KDM6A: variants seen among roughly 807,000 people sequenced by gnomAD.
KDM6A encodes the protein lysine-specific demethylase 6A.
In KDM6A, 11 loss-of-function variants were observed where a neutral mutation model predicts 117.6. That is an observed-to-expected ratio of 0.09 (90% CI 0.06 to 0.15). The LOEUF (loss-of-function observed/expected upper bound fraction) is 0.15, where lower values mean the gene tolerates loss of function less well. KDM6A is among the 10% of genes least tolerant of loss of function. The pLI is 1.00. For synonymous variants in KDM6A, 384 were observed against 396.1 expected, an observed-to-expected ratio of 0.97 and a Z score of 0.36; for missense variants, 799 against 1,077.3, an observed-to-expected ratio of 0.74 and a Z score of 3.62.
At chrX:45,067,702 G>A (rs1371542189) in intron 17 of KDM6A, among the ~76,000 whole-genome samples, 5 of 98,526 alleles carry the variant, frequency 5.1e-5, no homozygotes, top group African/African-American at 8.2e-5. Context: ...GCCAAGCCTG[G>A]AGTGCAGTGG....
intron 4 of KDM6A, among the ~76,000 whole-genome samples, chrX:44,979,805 A>G (rs2039797908): frequency 9.1e-6 from 1 of 109,763 alleles, no homozygotes; most frequent in Admixed American, 9.8e-5. Flanking sequence ...TGTTGAAAAG[A>G]CTACACTTTG....
chrX:45,039,529 T>TA lies in KDM6A; in HGVS notation c.654+1841dup, dbSNP rs1556253467. ...TTTTTTTTTTTTTTTTTTTTTTTTTTATTGATCATTCTTGGGTGTTTCTCG... is the reference window on the plus strand; with the variant it reads ...TTTTTTTTTTTTTTTTTTTTTTTTTTAATTGATCATTCTTGGGTGTTTCTCG... On this transcript the variant is annotated intron_variant, in intron 8 of 29. Coordinates refer to ENST00000611820, the MANE Select transcript of KDM6A (RefSeq NM_001291415.2). 3.5e-4 allele frequency among the ~76,000 whole-genome samples: 30 copies of TA among 85,395 alleles called. No homozygotes were observed. The East Asian group carries it at 4.5e-3, about 13-fold the overall frequency. The allele number at this position is 85,395 out of a possible 115,157, so 74.2% of individuals were successfully genotyped here. A position where few individuals can be genotyped will look rare whatever the true frequency, so the allele number is the denominator to read the frequency against.
chrX:44,919,155 T>G (rs182580460), intron 2 of KDM6A, among the ~76,000 whole-genome samples: 2 of 111,862 alleles, frequency 1.8e-5, no homozygotes, highest in African/African-American at 6.5e-5. Flanking sequence ...GTATGATCTA[T>G]TTGTTACTAT....
intron 10 of KDM6A, among the ~76,000 whole-genome samples, chrX:45,056,116 CTAAA>C (rs1223862221): frequency 9.0e-6 from 1 of 111,004 alleles, no homozygotes; most frequent in Non-Finnish European, 1.9e-5. Context: ...CTTTTCCTGA[CTAAA>C]TAAAGGATAC....
At chrX:44,898,996 A>G (rs1248266384) in intron 2 of KDM6A, among the ~76,000 whole-genome samples, 13 of 72,138 alleles carry the variant, frequency 1.8e-4, no homozygotes, top group African/African-American at 9.5e-4. Context: ...GGAGGGAGGG[A>G]GAGGGAGGGT....
At chrX:45,057,069 CA>C (rs1440735194) in intron 10 of KDM6A, among the ~76,000 whole-genome samples, 3 of 111,474 alleles carry the variant, frequency 2.7e-5, no homozygotes, top group African/African-American at 9.8e-5. Flanking sequence ...TCTTTCAAAC[CA>C]CAGGATTAGT....
At chrX:44,972,002 G>A (rs182225720) in intron 3 of KDM6A, among the ~76,000 whole-genome samples, 1 of 110,038 alleles carries the variant, frequency 9.1e-6, no homozygotes, top group Non-Finnish European at 1.9e-5. Context: ...TGGGCAGTAC[G>A]CAGGGGTTTG....
intron 4 of KDM6A, among the ~76,000 whole-genome samples, chrX:45,007,647 T>C (rs766719165): frequency 5.3e-5 from 6 of 112,407 alleles, no homozygotes; most frequent in Admixed American, 9.4e-5. Flanking sequence ...TCTATGGAAG[T>C]GCGCCCTGTG....
At chrX:44,946,592 A>C (rs749728745) in intron 2 of KDM6A, among the ~76,000 whole-genome samples, 1 of 110,756 alleles carries the variant, frequency 9.0e-6, no homozygotes, top group Non-Finnish European at 1.9e-5. Flanking sequence ...TTTTTTAATG[A>C]CTTGTACTTT....
intron 4 of KDM6A, among the ~76,000 whole-genome samples, chrX:44,980,846 G>A (rs911836248): frequency 4.6e-5 from 5 of 108,237 alleles, no homozygotes; most frequent in Non-Finnish European, 9.6e-5. Context: ...TGAATGGAAG[G>A]GGACATCCTT....
chrX:44,954,680 T>C (rs1406490210), intron 2 of KDM6A, among the ~76,000 whole-genome samples: 1 of 110,807 alleles, frequency 9.0e-6, no homozygotes, highest in East Asian at 2.8e-4. Context: ...AGAAAAAATA[T>C]GGATGTGTAG....
intron 2 of KDM6A, 124 bp downstream of exon 2, chrX:44,874,111 A>G (rs1328672812): frequency 6.4e-6 from 4 of 621,707 alleles, no homozygotes; most frequent in Non-Finnish European, 1.0e-5. Flanking sequence ...GCTTCCGGAA[A>G]CTATTTCCTG....
intron 2 of KDM6A, among the ~76,000 whole-genome samples, chrX:44,923,199 A>C (rs965643810): frequency 2.7e-5 from 3 of 110,909 alleles, no homozygotes; most frequent in Non-Finnish European, 3.8e-5. Flanking sequence ...TGGTTACGTT[A>C]TGTGTTATGT....
chrX:44,964,218 G>A lies in KDM6A; in HGVS notation c.334+2826G>A, dbSNP rs1480549868. Among the ~76,000 whole-genome samples, 7 of 108,586 alleles carry A rather than the reference G, an allele frequency of 6.4e-5. No individual in the cohort carries two copies. In the Admixed American group the frequency reaches 6.9e-4, roughly 11 times the overall value. The allele number at this position is 108,586 out of a possible 115,157, so 94.3% of individuals were successfully genotyped here. On this transcript the variant is annotated intron_variant, in intron 3 of 29. Coordinates refer to ENST00000611820, the MANE Select transcript of KDM6A (RefSeq NM_001291415.2). ...TAATCCCAGCTCTTTGGGAGGCCTC[G>A]GTAGGTGGATTACCTGAGGTCAAGA... is the stretch of plus-strand genomic sequence containing the variant.
chrX:45,007,875 A>G (rs2041576513), intron 4 of KDM6A, among the ~76,000 whole-genome samples: 1 of 112,228 alleles, frequency 8.9e-6, no homozygotes, highest in African/African-American at 3.2e-5. Context: ...TCTTCATTCT[A>G]TAAATGAAGC....
chrX:44,965,423 TGATTTCTAGCTTTG>T (rs1222092830), intron 3 of KDM6A, among the ~76,000 whole-genome samples: 2 of 112,473 alleles, frequency 1.8e-5, no homozygotes, highest in African/African-American at 6.5e-5. Context: ...CTAAGCTTAA[TGATTTCTAGCTTTG>T]GATTTAAAGT....
At chrX:45,084,731 T>C (rs1221756805) in intron 24 of KDM6A, among the ~76,000 whole-genome samples, 1 of 111,261 alleles carries the variant, frequency 9.0e-6, no homozygotes, top group African/African-American at 3.3e-5. Flanking sequence ...GCTCAAGCAA[T>C]TCTCCTGCCT....
chrX:44,931,135 G>T (rs2036597894), intron 2 of KDM6A, among the ~76,000 whole-genome samples: 1 of 111,151 alleles, frequency 9.0e-6, no homozygotes, highest in Non-Finnish European at 1.9e-5. Context: ...GGAGTGCAAG[G>T]CTCACTGCAA....
intron 4 of KDM6A, among the ~76,000 whole-genome samples, chrX:45,000,741 G>T (rs952196606): frequency 2.8e-4 from 32 of 112,838 alleles, no homozygotes; most frequent in African/African-American, 1.0e-3. Context: ...ATGGAAGCTG[G>T]ATGGCCCTCG....
Sources: allele counts gnomAD v4.1 joint callset (sites outside exome capture counted in the v4.1 genomes callset), GRCh38; gene constraint gnomAD v4.1.1; transcripts MANE v1.5; gene names NCBI Gene and HGNC (gene_info 2026-07-23, HGNC 2026-07-21).